POU6F2: variants seen among roughly 807,000 people sequenced by gnomAD.
The protein encoded by POU6F2 is POU class 6 homeobox 2.
POU6F2 carries 31 observed loss-of-function variants against 71.3 expected under a neutral mutation model. That is an observed-to-expected ratio of 0.43 (90% CI 0.33 to 0.59). The LOEUF is 0.59. POU6F2 is among the 20% of genes least tolerant of loss of function. POU6F2 has a pLI of 0.04. For missense variants in POU6F2, 783 were observed against 856.8 expected, an observed-to-expected ratio of 0.91 and a Z score of 1.07; for synonymous variants, 347 against 355.7, an observed-to-expected ratio of 0.98 and a Z score of 0.27.
chr7:39,167,339 A>G (rs1037829619), intron 2 of POU6F2, among the ~76,000 whole-genome samples: 3 of 152,218 alleles, frequency 2.0e-5, no homozygotes, highest in African/African-American at 7.2e-5. Context: ...ATAGTATCCT[A>G]CATAGTACTA....
rs143967691 is a variant in POU6F2 at position 39,371,002 on chromosome 7, A to C, written c.972+30987A>C. ...AGTTCTGCTTCTCTGGAGAACCCTA[A>C]CTAGTACCATCCCTTTCTCATAGAT... On this transcript the variant is annotated intron_variant, in intron 5 of 9. Transcript: ENST00000518318. Among the ~76,000 whole-genome samples the C allele has an allele frequency of 2.9e-3, 442 of 152,314 alleles. 2 individuals are homozygous for C. Among genetic ancestry groups the C allele is most frequent in the African/African-American group, 0.01 (418 of 41,570 alleles).
chr7:39,006,614 G>A (rs760437339), intron 1 of POU6F2: 26 of 505,480 alleles, frequency 5.1e-5, no homozygotes, highest in African/African-American at 7.7e-5. Context: ...GTAGCTCCAC[G>A]GAAGATCTGT....
At chr7:39,355,365 A>G (rs1314883152) in intron 5 of POU6F2, among the ~76,000 whole-genome samples, 2 of 152,222 alleles carry the variant, frequency 1.3e-5, no homozygotes, top group African/African-American at 4.8e-5. Flanking sequence ...TGATATACAA[A>G]TGAACATATA....
At chr7:39,123,327 G>T (rs774184397) in intron 2 of POU6F2, among the ~76,000 whole-genome samples, 2 of 152,178 alleles carry the variant, frequency 1.3e-5, no homozygotes, top group Non-Finnish European at 2.9e-5. Flanking sequence ...AAACTGAAAG[G>T]TTGGGTGCTT....
chr7:39,199,839 C>T (rs1793860977), intron 2 of POU6F2, among the ~76,000 whole-genome samples: 1 of 152,148 alleles, frequency 6.6e-6, no homozygotes. Flanking sequence ...CATCCAAACT[C>T]CTAATCAGTA....
At chr7:39,251,948 A>G (rs1279995309) in intron 4 of POU6F2, among the ~76,000 whole-genome samples, 5 of 152,150 alleles carry the variant, frequency 3.3e-5, no homozygotes, top group African/African-American at 1.2e-4. Flanking sequence ...AAATATATGA[A>G]AGGGCTAGTA....
intron 1 of POU6F2, among the ~76,000 whole-genome samples, chr7:39,032,739 C>T (rs778707465): frequency 4.6e-5 from 7 of 152,158 alleles, no homozygotes; most frequent in Non-Finnish European, 1.0e-4. Flanking sequence ...TGAAATACCT[C>T]GCTACCACAC....
In POU6F2 at chr7:39,451,782, C is replaced by T; in HGVS notation, c.1489+81C>T. The T allele has an allele frequency of 6.3e-6, 9 of 1,432,736 alleles. No individual in the cohort carries two copies. In the South Asian group the frequency reaches 1.1e-4, roughly 18 times the overall value. The allele number at this position is 1,432,736 out of a possible 1,614,324, so 88.8% of individuals were successfully genotyped here. A position where few individuals can be genotyped will look rare whatever the true frequency, so the allele number is the denominator to read the frequency against. ...GCAATGTCTTCCTTCTTGTCTCTCT[C>T]TCACTCTCTCTTGCTCTCTCTTTCT... On this transcript the variant is annotated intron_variant, in intron 8 of 9. Coordinates refer to ENST00000518318, the MANE Select transcript of POU6F2 (RefSeq NM_001370959.1).
chr7:39,001,730 G>A (rs1788916568), intron 1 of POU6F2, among the ~76,000 whole-genome samples: 1 of 151,850 alleles, frequency 6.6e-6, no homozygotes, highest in Admixed American at 6.6e-5. Context: ...TAATGGTGAT[G>A]GTAATGGTGA....
At chr7:39,332,179 T>C (rs1193724938) in intron 4 of POU6F2, among the ~76,000 whole-genome samples, 1 of 152,208 alleles carries the variant, frequency 6.6e-6, no homozygotes, top group African/African-American at 2.4e-5. Flanking sequence ...TCCTGAATTT[T>C]CTTGTTTCTT....
intron 4 of POU6F2, among the ~76,000 whole-genome samples, chr7:39,299,502 G>T (rs1784913575): frequency 6.6e-6 from 1 of 152,188 alleles, no homozygotes; most frequent in Non-Finnish European, 1.5e-5. Context: ...ACAGCTAGAA[G>T]TGTGTCAATT....
At chr7:38,999,563 A>G (rs977012237) in intron 1 of POU6F2, among the ~76,000 whole-genome samples, 2 of 152,174 alleles carry the variant, frequency 1.3e-5, no homozygotes, top group Non-Finnish European at 2.9e-5. Flanking sequence ...TGGGAACCAT[A>G]GGCTTTTTCC....
intron 1 of POU6F2, among the ~76,000 whole-genome samples, chr7:39,040,949 A>G (rs1006824588): frequency 2.0e-5 from 3 of 151,930 alleles, no homozygotes; most frequent in Non-Finnish European, 2.9e-5. Context: ...AAATGAAAAT[A>G]TACTCATACA....
chr7:39,307,139 C>A (rs1467537794), intron 4 of POU6F2, among the ~76,000 whole-genome samples: 2 of 152,116 alleles, frequency 1.3e-5, no homozygotes, highest in Non-Finnish European at 2.9e-5. Flanking sequence ...GTGACTGTTA[C>A]ACATTTAAAA....
At chr7:39,129,872 G>A (rs931525302) in intron 2 of POU6F2, among the ~76,000 whole-genome samples, 10 of 151,882 alleles carry the variant, frequency 6.6e-5, no homozygotes, top group African/African-American at 2.4e-4. Flanking sequence ...AACCATCCTG[G>A]CTAACACGGT....
intron 4 of POU6F2, among the ~76,000 whole-genome samples, chr7:39,258,579 G>T (rs1583479320): frequency 6.6e-6 from 1 of 152,106 alleles, no homozygotes; most frequent in East Asian, 1.9e-4. Context: ...ACAATTGTTG[G>T]TTGCTAATTT....
intron 4 of POU6F2, among the ~76,000 whole-genome samples, chr7:39,224,538 G>A (rs1481666205): frequency 6.6e-6 from 1 of 152,162 alleles, no homozygotes; most frequent in Non-Finnish European, 1.5e-5. Flanking sequence ...AGAGTTCAGT[G>A]GGTCCACGTT....
intron 6 of POU6F2, among the ~76,000 whole-genome samples, chr7:39,416,308 T>G (rs1787673255): frequency 6.6e-6 from 1 of 152,218 alleles, no homozygotes; most frequent in South Asian, 2.1e-4. Context: ...CTCCACTTCT[T>G]GCCAGAGAAA....
chr7:39,034,431 T>C, intron 1 of POU6F2: 1 of 394,258 alleles, frequency 2.5e-6, no homozygotes, highest in Non-Finnish European at 5.3e-6. Context: ...CCTGAAGTGT[T>C]CTCGGCAGGA....
Sources: allele counts gnomAD v4.1 joint callset (sites outside exome capture counted in the v4.1 genomes callset), GRCh38; gene constraint gnomAD v4.1.1; transcripts MANE v1.5; gene names NCBI Gene and HGNC (gene_info 2026-07-23, HGNC 2026-07-21).